The following CXCL13 variants were observed in gnomAD, a reference collection of about 807,000 sequenced individuals.
CXCL13 encodes the protein C-X-C motif chemokine 13.
Under a neutral mutation model 12.2 loss-of-function variants are expected in CXCL13, and 7 were observed. The ratio of observed to expected loss-of-function variants is 0.57; its 90% CI spans 0.33 to 1.07. The LOEUF (loss-of-function observed/expected upper bound fraction) is 1.07, where lower values mean the gene tolerates loss of function less well. CXCL13 is among the 50% of genes least tolerant of loss of function. CXCL13 has a pLI of 0.04. For synonymous variants in CXCL13, 47 were observed against 42.4 expected (o/e 1.11, Z -0.42); for missense variants, 113 against 127.4 (o/e 0.89, Z 0.55).
intron 1 of CXCL13, among the ~76,000 whole-genome samples, chr4:77,513,143 G>T (rs1022141301): frequency 6.6e-6 from 1 of 151,970 alleles, no homozygotes; most frequent in Admixed American, 6.6e-5. Flanking sequence ...ATACACCATG[G>T]TATTCCATGG....
At chr4:77,520,923 A>G (rs1186617212) in intron 1 of CXCL13, among the ~76,000 whole-genome samples, 1 of 152,088 alleles carries the variant, frequency 6.6e-6, no homozygotes, top group East Asian at 1.9e-4. Flanking sequence ...TTTTTAAGAA[A>G]AAGTGCTGTC....
At chr4:77,542,863 G>A (rs1258937861) in intron 1 of CXCL13, among the ~76,000 whole-genome samples, 3 of 152,094 alleles carry the variant, frequency 2.0e-5, no homozygotes, top group African/African-American at 7.2e-5. Flanking sequence ...TGGTATCAGG[G>A]TGATGCTAGC....
chr4:77,524,474 A>G (rs1724710561), intron 1 of CXCL13, among the ~76,000 whole-genome samples: 1 of 152,184 alleles, frequency 6.6e-6, no homozygotes, highest in Non-Finnish European at 1.5e-5. Context: ...GCCACCTCAC[A>G]GTTCGATCTC....
At chr4:77,569,209 C>A (rs1726007067) in intron 1 of CXCL13, among the ~76,000 whole-genome samples, 1 of 152,300 alleles carries the variant, frequency 6.6e-6, no homozygotes, top group East Asian at 1.9e-4. Context: ...CTGTACAAGA[C>A]AAGGATACCT....
At chr4:77,590,062 C>G (rs1726570155) in intron 1 of CXCL13, among the ~76,000 whole-genome samples, 1 of 152,118 alleles carries the variant, frequency 6.6e-6, no homozygotes, top group Admixed American at 6.5e-5. Flanking sequence ...TTTTTATTAA[C>G]ATAGGATTAC....
intron 1 of CXCL13, among the ~76,000 whole-genome samples, chr4:77,545,506 G>A (rs534832008): frequency 4.6e-5 from 7 of 152,232 alleles, no homozygotes; most frequent in Admixed American, 3.9e-4. Context: ...TCTCTTTGAA[G>A]CAATTGTGAA....
intron 1 of CXCL13, among the ~76,000 whole-genome samples, chr4:77,530,159 G>A (rs1016506895): frequency 6.6e-6 from 1 of 152,172 alleles, no homozygotes; most frequent in African/African-American, 2.4e-5. Context: ...TTCTTGATGT[G>A]CTTCTGGATT....
chr4:77,611,230 C>T lies in CXCL13; in HGVS notation c.*191C>T. 2.1e-6 allele frequency: 1 copy of T among 473,548 alleles called. No homozygotes were observed. Among genetic ancestry groups the T allele is most frequent in the Non-Finnish European group, 3.7e-6 (1 of 267,800 alleles). The allele number at this position is 473,548 out of a possible 1,614,324, so 29.3% of individuals were successfully genotyped here. A position where few individuals can be genotyped will look rare whatever the true frequency, so the allele number is the denominator to read the frequency against. ...TTCTTCACTCACAGCACCCTATATACACTTGGAGTTTGCATTCTTATTCAT... is the reference window on the plus strand; with the variant it reads ...TTCTTCACTCACAGCACCCTATATATACTTGGAGTTTGCATTCTTATTCAT... On this transcript the variant is annotated 3_prime_UTR_variant, in exon 4 of 4. Coordinates refer to ENST00000682537, the MANE Select transcript of CXCL13 (RefSeq NM_001371558.1).
chr4:77,582,039 C>A (rs945863190), intron 1 of CXCL13, among the ~76,000 whole-genome samples: 1 of 151,912 alleles, frequency 6.6e-6, no homozygotes, highest in Non-Finnish European at 1.5e-5. Context: ...TGCCTTTTTT[C>A]GGCCTGGAAA....
intron 1 of CXCL13, among the ~76,000 whole-genome samples, chr4:77,560,841 C>T (rs1560526367): frequency 6.6e-6 from 1 of 152,140 alleles, no homozygotes; most frequent in Non-Finnish European, 1.5e-5. Flanking sequence ...GTGATATGCC[C>T]TTGGGCTCTC....
intron 1 of CXCL13, among the ~76,000 whole-genome samples, chr4:77,568,511 G>C (rs1043886218): frequency 6.6e-6 from 1 of 152,174 alleles, no homozygotes; most frequent in East Asian, 1.9e-4. Flanking sequence ...GTCTTCTTTT[G>C]CTATTTGGGC....
chr4:77,571,088 C>T (rs71609314), intron 1 of CXCL13, among the ~76,000 whole-genome samples: 20,406 of 152,036 alleles, frequency 0.13, 1,876 homozygotes, highest in Non-Finnish European at 0.19. Context: ...CATCTGCAGC[C>T]CCGGTGTGGG....
chr4:77,546,594 T>G (rs938816624), intron 1 of CXCL13, among the ~76,000 whole-genome samples: 7 of 152,302 alleles, frequency 4.6e-5, no homozygotes, highest in East Asian at 1.9e-4. Flanking sequence ...AGTGGTGATA[T>G]CCCCTTTATC....
chr4:77,605,495 A>T (rs1007249422), upstream of CXCL13, among the ~76,000 whole-genome samples: 1 of 152,116 alleles, frequency 6.6e-6, no homozygotes, highest in Non-Finnish European at 1.5e-5. Context: ...CTCACCCTGC[A>T]CTGAGAGAAG....
At chr4:77,520,283 T>G (rs1724557079) in intron 1 of CXCL13, among the ~76,000 whole-genome samples, 1 of 152,224 alleles carries the variant, frequency 6.6e-6, no homozygotes, top group South Asian at 2.1e-4. Context: ...GGGATGGCAT[T>G]GAACCTATAA....
At chr4:77,513,675 A>G (rs1449685601) in intron 1 of CXCL13, among the ~76,000 whole-genome samples, 2 of 151,896 alleles carry the variant, frequency 1.3e-5, no homozygotes, top group Admixed American at 1.3e-4. Flanking sequence ...GATGGCCTCC[A>G]TCTCCTGACC....
chr4:77,533,912 A>G (rs900753865), intron 1 of CXCL13, among the ~76,000 whole-genome samples: 1 of 152,124 alleles, frequency 6.6e-6, no homozygotes, highest in Non-Finnish European at 1.5e-5. Flanking sequence ...GAGTGACCCA[A>G]TTTTCCAAGT....
intron 1 of CXCL13, among the ~76,000 whole-genome samples, chr4:77,579,989 T>G (rs1726278580): frequency 6.6e-6 from 1 of 152,136 alleles, no homozygotes; most frequent in Non-Finnish European, 1.5e-5. Context: ...GAGAGTCAGA[T>G]CAGACCTTGG....
intron 1 of CXCL13, among the ~76,000 whole-genome samples, chr4:77,535,190 G>A (rs1367696382): frequency 1.3e-5 from 2 of 152,158 alleles, no homozygotes; most frequent in East Asian, 1.9e-4. Context: ...TAGAAACTGG[G>A]GGAAGAACTG....
Sources: gnomAD v4.1 joint callset for allele counts (sites outside exome capture counted in the v4.1 genomes callset) on GRCh38, gnomAD v4.1.1 for gene constraint, MANE v1.5 for transcripts, NCBI Gene and HGNC (gene_info 2026-07-23, HGNC 2026-07-21) for gene names.